Variants in MET observed in about 807,000 individuals in gnomAD.
MET encodes the protein MET proto-oncogene, receptor tyrosine kinase.
A neutral mutation model predicts 133.1 loss-of-function variants in MET; 48 were observed. That is an observed-to-expected ratio of 0.36 (90% CI 0.29 to 0.46). The LOEUF is 0.46. Ranked by LOEUF, MET falls within the 20% of genes least tolerant of loss-of-function variation. The probability of loss-of-function intolerance (pLI) is 1.00; values close to 1 mark genes in which losing one functional copy is unlikely to be tolerated. For synonymous variants in MET, 628 were observed against 616.5 expected (o/e 1.02, Z -0.28); for missense variants, 1,442 against 1,695.9 (o/e 0.85, Z 2.63).
intron 2 of MET, among the ~76,000 whole-genome samples, chr7:116,703,167 C>G (rs999468563): frequency 6.6e-6 from 1 of 152,142 alleles, no homozygotes; most frequent in African/African-American, 2.4e-5. Flanking sequence ...TTATCCCAAG[C>G]CACAAATGCC....
intron 1 of MET, among the ~76,000 whole-genome samples, chr7:116,685,949 G>A (rs561569871): frequency 2.5e-4 from 38 of 151,982 alleles, no homozygotes; most frequent in South Asian, 8.3e-4. Context: ...ACCAGAATTC[G>A]GCCACATCTC....
chr7:116,758,444 A>G lies in MET; in HGVS notation c.2103-15A>G. The G allele has an allele frequency of 6.2e-7, 1 of 1,611,230 alleles. No homozygotes were observed. The highest frequency in any genetic ancestry group is 1.1e-5 in the South Asian group (1 of 91,018). On this transcript the variant is annotated splice_polypyrimidine_tract_variant and intron_variant, in intron 8 of 20. Coordinates refer to ENST00000397752, the MANE Select transcript of MET (RefSeq NM_000245.4). ...CTAATAGCTAAAATTCACTTCCTTA[A>G]TTTTTTTTGTTCAGTGTGTCAAACA...
At chr7:116,709,033 A>G (rs1465400690) in intron 2 of MET, among the ~76,000 whole-genome samples, 3 of 152,124 alleles carry the variant, frequency 2.0e-5, no homozygotes, top group Non-Finnish European at 4.4e-5. Flanking sequence ...TTTTTAGACC[A>G]TTTCCTTCTC....
At chr7:116,731,913 A>AG in intron 3 of MET, 54 bp downstream of exon 3, 2 of 1,586,600 alleles carry the variant, frequency 1.3e-6, no homozygotes, top group Non-Finnish European at 8.7e-7. Flanking sequence ...TGTGCAATTA[A>AG]TTTGTTTTCG....
intron 1 of MET, among the ~76,000 whole-genome samples, chr7:116,687,658 G>A (rs553926099): frequency 4.6e-5 from 7 of 152,230 alleles, no homozygotes; most frequent in African/African-American, 1.2e-4. Flanking sequence ...AATTTTGATC[G>A]TGAAAAAGAG....
rs529584256 is a variant in MET at position 116,712,778 on chromosome 7, A to G, written c.1200+12494A>G. ...ACAAAGAAGAAGAAAAATGAAAGAA[A>G]AAGGAAAGATTAAGATAGGGAGGGT... On this transcript the variant is annotated intron_variant, in intron 2 of 20. Transcript: ENST00000397752. 6.6e-5 allele frequency among the ~76,000 whole-genome samples: 10 copies of G among 152,228 alleles called. No individual in the cohort carries two copies. In the East Asian group the frequency reaches 1.7e-3, roughly 26 times the overall value.
rs1022818610 is a variant in MET at position 116,782,032 on chromosome 7, C to T, written c.3567C>T (p.Ala1189=). The T allele has an allele frequency of 1.9e-6, 3 of 1,613,854 alleles. No individual in the cohort carries two copies. The highest frequency in any genetic ancestry group is 2.2e-5 in the East Asian group (1 of 44,860). ...TTATTGGCTTTGGTCTTCAAGTAGCCAAAGGCATGAAATATCTTGCAAGCA... is the reference window on the plus strand; with the variant it reads ...TTATTGGCTTTGGTCTTCAAGTAGCTAAAGGCATGAAATATCTTGCAAGCA... ...KDLIGFGLQV[A]KGMKYLASKK... is the part of the protein sequence containing the mutation. Residue 1189 remains alanine, a synonymous_variant, in exon 18 of 21, where the codon GCC becomes GCT. Coordinates refer to ENST00000397752, the MANE Select transcript of MET (RefSeq NM_000245.4).
intron 5 of MET, among the ~76,000 whole-genome samples, chr7:116,741,311 C>T (rs998593126): frequency 3.3e-5 from 5 of 152,100 alleles, no homozygotes; most frequent in Admixed American, 2.6e-4. Context: ...AGCTGCTCAC[C>T]TTTAGTGCCG....
At chr7:116,792,655 T>G (rs1795545503) in intron 19 of MET, among the ~76,000 whole-genome samples, 1 of 152,040 alleles carries the variant, frequency 6.6e-6, no homozygotes, top group Non-Finnish European at 1.5e-5. Flanking sequence ...TCCTCTTACC[T>G]CCCTGTCCCG....
chr7:116,745,802 T>C (rs966140717), intron 5 of MET, among the ~76,000 whole-genome samples: 2 of 152,204 alleles, frequency 1.3e-5, no homozygotes, highest in East Asian at 1.9e-4. Context: ...AAGATGTAAA[T>C]GTTAGACCTA....
intron 2 of MET, among the ~76,000 whole-genome samples, chr7:116,705,191 G>T (rs1201094283): frequency 1.3e-5 from 2 of 152,058 alleles, no homozygotes; most frequent in Non-Finnish European, 2.9e-5. Context: ...GTAAAATCGA[G>T]TTACATTTAA....
At chr7:116,719,621 A>C (rs1474970042) in intron 2 of MET, among the ~76,000 whole-genome samples, 2 of 152,140 alleles carry the variant, frequency 1.3e-5, no homozygotes, top group Non-Finnish European at 2.9e-5. Context: ...TTATGGTTTT[A>C]GGTCTAACGT....
chr7:116,778,630 A>G (rs1795060419), intron 16 of MET, 146 bp from the exon 17 acceptor site: 2 of 857,480 alleles, frequency 2.3e-6, no homozygotes, highest in Non-Finnish European at 3.8e-6. Flanking sequence ...CTCAGATGTG[A>G]TGTAAAAAGA....
intron 5 of MET, among the ~76,000 whole-genome samples, chr7:116,751,784 G>T (rs577860341): frequency 6.6e-6 from 1 of 152,150 alleles, no homozygotes; most frequent in Non-Finnish European, 1.5e-5. Context: ...AATTCAGGCC[G>T]GGCGTGGTGG....
intron 2 of MET, among the ~76,000 whole-genome samples, chr7:116,707,300 C>A (rs940799198): frequency 4.0e-5 from 6 of 151,624 alleles, no homozygotes; most frequent in African/African-American, 1.5e-4. Flanking sequence ...CAAAAAAAAA[C>A]CATTGTGAAT....
At chr7:116,739,335 A>G (rs1793355598) in intron 3 of MET, among the ~76,000 whole-genome samples, 1 of 152,216 alleles carries the variant, frequency 6.6e-6, no homozygotes, top group East Asian at 1.9e-4. Flanking sequence ...CCTTATTTTA[A>G]AGCCAGACCA....
intron 5 of MET, among the ~76,000 whole-genome samples, chr7:116,746,860 A>T (rs781383911): frequency 6.6e-6 from 1 of 152,196 alleles, no homozygotes; most frequent in Non-Finnish European, 1.5e-5. Flanking sequence ...GCACACCAAC[A>T]TGCACATGTA....
intron 1 of MET, among the ~76,000 whole-genome samples, chr7:116,696,229 T>C (rs1293662097): frequency 6.6e-6 from 1 of 152,142 alleles, no homozygotes; most frequent in East Asian, 1.9e-4. Flanking sequence ...CCAGTCGAGT[T>C]GGTCTCCCTT....
chr7:116,782,236 G>C, intron 18 of MET, 139 bp downstream of exon 18: 1 of 714,792 alleles, frequency 1.4e-6, no homozygotes. Flanking sequence ...AAATCGATGT[G>C]TAAGCCCTGG....
Sources: allele counts gnomAD v4.1 joint callset (sites outside exome capture counted in the v4.1 genomes callset), GRCh38; gene constraint gnomAD v4.1.1; transcripts MANE v1.5; gene names NCBI Gene and HGNC (gene_info 2026-07-23, HGNC 2026-07-21).